Variants in MBNL3 observed in about 807,000 individuals in gnomAD.
The protein encoded by MBNL3 is muscleblind-like protein 3.
MBNL3 carries 6 observed loss-of-function variants against 24.5 expected under a neutral mutation model. The observed-to-expected ratio is 0.25, with a 90% CI of 0.13 to 0.48. MBNL3 has a LOEUF of 0.48. MBNL3 is among the 20% of genes least tolerant of loss of function. MBNL3 has a pLI of 0.99. For missense variants in MBNL3, 230 were observed against 293.5 expected (o/e 0.78, Z 1.58); for synonymous variants, 100 against 101.7 (o/e 0.98, Z 0.10).
chrX:132,384,198 G>T (rs1443938307), intron 7 of MBNL3, among the ~76,000 whole-genome samples: 1 of 112,028 alleles, frequency 8.9e-6, no homozygotes. Flanking sequence ...GAATCCTCTG[G>T]CTTTGCTGAA....
At position 132,372,949 on chromosome X, in the gene MBNL3, C is replaced by T. The variant is rs1380506842; in HGVS notation, c.*6717G>A. The T allele has an allele frequency of 9.0e-6, 1 of 110,596 alleles. No individual in the cohort carries two copies. Among genetic ancestry groups the T allele is most frequent in the Non-Finnish European group, 1.9e-5 (1 of 52,802 alleles). 9.1% of individuals were successfully genotyped at this position (110,596 alleles called of 1,213,427 possible). The stretch of plus-strand genomic sequence containing the variant: ...CTTTTGAGTATTAGTGATTCTCTTA[C>T]AGGCAAGAACAAGTAGAAGAGCTGG... On this transcript the variant is annotated 3_prime_UTR_variant, in exon 9 of 9. Transcript: ENST00000370853.
rs1268310017 is a variant in MBNL3 at position 132,377,908 on chromosome X, C to G, written c.*1758G>C. On this transcript the variant is annotated 3_prime_UTR_variant, in exon 9 of 9. Coordinates refer to ENST00000370853, the MANE Select transcript of MBNL3 (RefSeq NM_001386889.1). ...AAATCTATTACTTGATGTAAAATGT[C>G]ATGTGTTTCCACCACTGTATAATAA... 1 of 109,709 alleles carries G rather than the reference C, an allele frequency of 9.1e-6. No individual in the cohort carries two copies. The highest frequency in any genetic ancestry group is 1.9e-5 in the Non-Finnish European group (1 of 52,675). 9.0% of individuals were successfully genotyped at this position (109,709 alleles called of 1,213,427 possible).
At position 132,377,557 on chromosome X, in the gene MBNL3, G is replaced by C. The variant is rs1934255339; in HGVS notation, c.*2109C>G. ...TGAGCCAAATGGGTCTGCTTTGGAAGAGAGCATCAAATGTTCTGAAGCAAA... is the reference window on the plus strand; with the variant it reads ...TGAGCCAAATGGGTCTGCTTTGGAACAGAGCATCAAATGTTCTGAAGCAAA... On this transcript the variant is annotated 3_prime_UTR_variant, in exon 9 of 9. Transcript: ENST00000370853. The C allele has an allele frequency of 9.0e-6, 1 of 111,289 alleles. No homozygotes were observed. The highest frequency in any genetic ancestry group is 9.6e-5 in the Admixed American group (1 of 10,438). The allele number at this position is 111,289 out of a possible 1,213,427, so 9.2% of individuals were successfully genotyped here.
chrX:132,421,363 A>G, intron 2 of MBNL3, among the ~76,000 whole-genome samples: 1 of 111,680 alleles, frequency 9.0e-6, no homozygotes, highest in East Asian at 2.8e-4. Context: ...TACCAATTAT[A>G]TGAGTAATAT....
In MBNL3 at chrX:132,383,447, A is replaced by G. The variant is rs1239458109; in HGVS notation, c.959-1175T>C. On this transcript the variant is annotated intron_variant, in intron 7 of 8. Transcript: ENST00000370853. ...AGATCCACTAAAGAATGCAGTTTGC[A>G]TTCCTAAGCAAAGCTCTGAAGGTGA... Among the ~76,000 whole-genome samples, 3 of 112,366 alleles carry G rather than the reference A, an allele frequency of 2.7e-5. No homozygotes were observed. The Admixed American group carries it at 2.8e-4, about 11-fold the overall frequency.
intron 1 of MBNL3, among the ~76,000 whole-genome samples, chrX:132,473,612 G>A (rs939694578): frequency 1.8e-5 from 2 of 108,903 alleles, no homozygotes; most frequent in Admixed American, 9.8e-5. Flanking sequence ...ATAAACACAC[G>A]CACACACACA....
chrX:132,487,156 T>C (rs1351660924), intron 1 of MBNL3, among the ~76,000 whole-genome samples: 1 of 110,919 alleles, frequency 9.0e-6, no homozygotes, highest in East Asian at 2.8e-4. Context: ...TTCTTTCTTT[T>C]TTTCTTTTTT....
At chrX:132,429,682 G>C (rs1241192944) in intron 2 of MBNL3, 1 of 111,843 alleles carries the variant, frequency 8.9e-6, no homozygotes, top group Non-Finnish European at 1.9e-5. Flanking sequence ...AAAAGTAAAG[G>C]AGAACCAGAA....
intron 1 of MBNL3, among the ~76,000 whole-genome samples, chrX:132,454,148 G>T (rs971770039): frequency 9.0e-6 from 1 of 110,803 alleles, no homozygotes; most frequent in African/African-American, 3.3e-5. Flanking sequence ...ATATTGAATT[G>T]AATCAAATTA....
At chrX:132,444,345 T>A (rs1945579634) in intron 1 of MBNL3, among the ~76,000 whole-genome samples, 1 of 111,345 alleles carries the variant, frequency 9.0e-6, no homozygotes, top group Non-Finnish European at 1.9e-5. Context: ...ATTGGACCTG[T>A]GAAGTTGAAT....
Position 132,439,577 on chromosome X carries a change from G to C in MBNL3, c.35C>G (p.Thr12Ser), listed in dbSNP as rs758233538. The C allele has an allele frequency of 2.5e-6, 3 of 1,203,839 alleles. No homozygotes were observed. Among genetic ancestry groups the C allele is most frequent in the Non-Finnish European group, 2.2e-6 (2 of 892,349 alleles). The stretch of plus-strand genomic sequence containing the variant: ...ACAGACTTCTAAAGTCAGCCACTTG[G>C]TATCACGAATCAGGGCAACATTGAC... ...TAVNVALIRD[T>S]KWLTLEVCRE... The change falls in exon 2 of 9, where the codon ACC (threonine) becomes AGC (serine). Residue 12 changes from threonine to serine, a missense_variant. By Grantham distance (58) the Thr-to-Ser change is moderately conservative. Transcript: ENST00000370853.
intron 1 of MBNL3, among the ~76,000 whole-genome samples, chrX:132,486,191 C>T (rs1208097943): frequency 8.9e-6 from 1 of 111,923 alleles, no homozygotes; most frequent in Middle Eastern, 4.2e-3. Context: ...ATTTATTGTA[C>T]TATAAGCAGA....
rs1225072855 is a variant in MBNL3, at chrX:132,370,634, C to T, written c.*9032G>A. 1 of 111,640 alleles carries T rather than the reference C, an allele frequency of 9.0e-6. No homozygotes were observed. The highest frequency in any genetic ancestry group is 1.9e-5 in the Non-Finnish European group (1 of 53,132). The allele number at this position is 111,640 out of a possible 1,213,427, so 9.2% of individuals were successfully genotyped here. A position where few individuals can be genotyped will look rare whatever the true frequency, so the allele number is the denominator to read the frequency against. ...AGGACAGGCAGTATACTAAATACGGCCATTCTTGAACACCATAGGGTAATT... is the reference window on the plus strand; with the variant it reads ...AGGACAGGCAGTATACTAAATACGGTCATTCTTGAACACCATAGGGTAATT... On this transcript the variant is annotated 3_prime_UTR_variant, in exon 9 of 9. Coordinates refer to ENST00000370853, the MANE Select transcript of MBNL3 (RefSeq NM_001386889.1).
chrX:132,390,290 AAC>A (rs1350923952), intron 5 of MBNL3, among the ~76,000 whole-genome samples: 131 of 95,244 alleles, frequency 1.4e-3, no homozygotes, highest in African/African-American at 4.4e-3. Context: ...AAAAAAAAAA[AAC>A]CAAAGTCAGG....
intron 2 of MBNL3, among the ~76,000 whole-genome samples, chrX:132,417,657 CT>C (rs1432703619): frequency 3.6e-5 from 4 of 111,144 alleles, no homozygotes; most frequent in Non-Finnish European, 7.6e-5. Context: ...TAGTCAGTGC[CT>C]TTTAATTAGC....
intron 3 of MBNL3, among the ~76,000 whole-genome samples, chrX:132,396,355 T>TTC (rs1415085976): frequency 1.1e-5 from 1 of 87,567 alleles, no homozygotes; most frequent in African/African-American, 4.3e-5. Flanking sequence ...CATATATATA[T>TTC]ATTCCTATAT....
chrX:132,455,139 G>C (rs1296070340), intron 1 of MBNL3, among the ~76,000 whole-genome samples: 1 of 111,623 alleles, frequency 9.0e-6, no homozygotes, highest in Non-Finnish European at 1.9e-5. Context: ...GGCCCAGATA[G>C]AATAGTTCTC....
At chrX:132,434,390 C>T (rs1390952117) in intron 2 of MBNL3, among the ~76,000 whole-genome samples, 1 of 112,164 alleles carries the variant, frequency 8.9e-6, no homozygotes, top group East Asian at 2.8e-4. Flanking sequence ...TTTTTAACAT[C>T]TAGGACATTG....
chrX:132,462,524 T>C (rs1248559182), intron 1 of MBNL3, among the ~76,000 whole-genome samples: 1 of 111,782 alleles, frequency 8.9e-6, no homozygotes, highest in Non-Finnish European at 1.9e-5. Context: ...AAAGCATAAG[T>C]TAGAATGAGT....
Sources: allele counts gnomAD v4.1 joint callset (sites outside exome capture counted in the v4.1 genomes callset), GRCh38; gene constraint gnomAD v4.1.1; transcripts MANE v1.5; gene names NCBI Gene and HGNC (gene_info 2026-07-23, HGNC 2026-07-21).